Variants in MINDY2 observed in about 807,000 individuals in gnomAD.
The protein encoded by MINDY2 is MINDY lysine 48 deubiquitinase 2.
Under a neutral mutation model 68.2 loss-of-function variants are expected in MINDY2, and 52 were observed. The observed-to-expected ratio is 0.76, with a 90% CI of 0.61 to 0.96. The LOEUF is 0.96. Ranked by LOEUF, MINDY2 falls within the 40% of genes least tolerant of loss-of-function variation. The pLI, the probability that MINDY2 is intolerant of heterozygous loss-of-function variation, is 0.00. For missense variants in MINDY2, 881 were observed against 773.4 expected (o/e 1.14, Z -1.65); for synonymous variants, 372 against 303.0 (o/e 1.23, Z -2.36).
intron 5 of MINDY2, among the ~76,000 whole-genome samples, chr15:58,822,253 A>G (rs2031109592): frequency 6.8e-6 from 1 of 146,444 alleles, no homozygotes; most frequent in African/African-American, 2.5e-5. Flanking sequence ...CTCTGTATCA[A>G]AAAAAAAAAA....
At chr15:58,833,998 C>G (rs970643502) in intron 6 of MINDY2, among the ~76,000 whole-genome samples, 8 of 152,108 alleles carry the variant, frequency 5.3e-5, no homozygotes, top group African/African-American at 1.4e-4. Flanking sequence ...GTCCCTGCAG[C>G]CTTCCGCAGT....
rs759655388 is a variant in MINDY2, at chr15:58,858,362, C to T, written c.*3752C>T. ...CTCATACTTCTTGATCTTGGCTTAA[C>T]TAAGCAAGTTAGTATCAGAGACTAG... On this transcript the variant is annotated 3_prime_UTR_variant, in exon 9 of 9. Transcript: ENST00000559228. 6 of 152,126 alleles carry T rather than the reference C, an allele frequency of 3.9e-5. No homozygotes were observed. Among genetic ancestry groups the T allele is most frequent in the African/African-American group, 7.2e-5 (3 of 41,444 alleles). 9.4% of individuals were successfully genotyped at this position (152,126 alleles called of 1,614,324 possible). A position where few individuals can be genotyped will look rare whatever the true frequency, so the allele number is the denominator to read the frequency against.
At chr15:58,846,674 A>G (rs1000571953) in intron 6 of MINDY2, among the ~76,000 whole-genome samples, 19 of 152,204 alleles carry the variant, frequency 1.2e-4, no homozygotes, top group African/African-American at 4.3e-4. Flanking sequence ...TAAAAATTAA[A>G]AAAAAATTTG....
At chr15:58,819,844 A>G (rs1202721486) in intron 4 of MINDY2, among the ~76,000 whole-genome samples, 3 of 152,354 alleles carry the variant, frequency 2.0e-5, no homozygotes, top group African/African-American at 4.8e-5. Flanking sequence ...GCTGGAACTC[A>G]TAGATGTTTT....
intron 6 of MINDY2, among the ~76,000 whole-genome samples, chr15:58,844,830 G>T (rs542723469): frequency 6.8e-6 from 1 of 146,996 alleles, no homozygotes; most frequent in Non-Finnish European, 1.5e-5. Flanking sequence ...CAGGACAGTC[G>T]CTTGAACCCA....
At chr15:58,853,346 A>G (rs1330477928) in intron 8 of MINDY2, among the ~76,000 whole-genome samples, 1 of 152,154 alleles carries the variant, frequency 6.6e-6, no homozygotes. Context: ...AACTAAATAT[A>G]GAAGTCCCCA....
intron 5 of MINDY2, among the ~76,000 whole-genome samples, chr15:58,822,913 T>G (rs1388735842): frequency 2.0e-5 from 3 of 152,136 alleles, no homozygotes; most frequent in Non-Finnish European, 4.4e-5. Flanking sequence ...ACATAAGATA[T>G]AATAAAAGTT....
intron 6 of MINDY2, among the ~76,000 whole-genome samples, chr15:58,843,913 TTAA>T (rs1486526942): frequency 6.6e-6 from 1 of 151,636 alleles, no homozygotes; most frequent in East Asian, 1.9e-4. Context: ...CTTGTCAAAT[TTAA>T]TAATATTTTA....
rs539432243 is a variant in MINDY2 at position 58,837,093 on chromosome 15, C to T, written c.1368+5177C>T. Among the ~76,000 whole-genome samples, 5 of 152,208 alleles carry T rather than the reference C, an allele frequency of 3.3e-5. No homozygotes were observed. The South Asian group carries it at 6.2e-4, about 19-fold the overall frequency. On this transcript the variant is annotated intron_variant, in intron 6 of 8. Transcript: ENST00000559228. ...CTAAATAAAATTTAGGGAAGGGGTT[C>T]TTCCAGCATGGTGTCCATTTGCTTA...
intron 4 of MINDY2, among the ~76,000 whole-genome samples, chr15:58,816,836 G>A (rs916535388): frequency 3.9e-5 from 6 of 152,078 alleles, no homozygotes; most frequent in East Asian, 1.9e-4. Flanking sequence ...CCCTGTAGTC[G>A]CAGTTACTCA....
chr15:58,844,549 G>C (rs1388438077), intron 6 of MINDY2, among the ~76,000 whole-genome samples: 2 of 117,376 alleles, frequency 1.7e-5, no homozygotes, highest in Non-Finnish European at 3.5e-5. Context: ...GACAGAGCGA[G>C]ACTCCGTCTC....
intron 2 of MINDY2, among the ~76,000 whole-genome samples, chr15:58,792,467 G>C (rs145358661): frequency 6.6e-6 from 1 of 152,144 alleles, no homozygotes; most frequent in African/African-American, 2.4e-5. Context: ...TTAGCCGGGC[G>C]TGGTGGCACA....
At chr15:58,807,669 A>G (rs768997850) in intron 3 of MINDY2, among the ~76,000 whole-genome samples, 2 of 152,072 alleles carry the variant, frequency 1.3e-5, no homozygotes, top group Non-Finnish European at 1.5e-5. Context: ...GGCCTAAAAT[A>G]GTCTTTATTC....
rs1347339703 is a variant in MINDY2 at position 58,860,230 on chromosome 15, T to A, written c.*5620T>A. ...CAAAACAAAATGTTTTGGAAGGTGA[T>A]CCTGGCTCCTTTGGCTCTCATAATT... On this transcript the variant is annotated 3_prime_UTR_variant, in exon 9 of 9. Coordinates refer to ENST00000559228, the MANE Select transcript of MINDY2 (RefSeq NM_001040450.3). The A allele has an allele frequency of 6.6e-6, 1 of 152,230 alleles. No individual in the cohort carries two copies. Among genetic ancestry groups the A allele is most frequent in the Non-Finnish European group, 1.5e-5 (1 of 68,056 alleles). 9.4% of individuals were successfully genotyped at this position (152,230 alleles called of 1,614,324 possible). A position where few individuals can be genotyped will look rare whatever the true frequency, so the allele number is the denominator to read the frequency against.
chr15:58,821,218 C>A (rs2031039975), intron 4 of MINDY2, among the ~76,000 whole-genome samples: 1 of 151,192 alleles, frequency 6.6e-6, no homozygotes, highest in African/African-American at 2.4e-5. Context: ...ACTCATATCT[C>A]CACTATACTT....
chr15:58,850,377 A>G (rs531000641), intron 7 of MINDY2, among the ~76,000 whole-genome samples: 8 of 152,286 alleles, frequency 5.3e-5, no homozygotes, highest in South Asian at 4.1e-4. Flanking sequence ...TGGAAAAGAA[A>G]ACATTACAGT....
intron 1 of MINDY2, among the ~76,000 whole-genome samples, chr15:58,783,671 C>T (rs1901302119): frequency 6.6e-6 from 1 of 152,204 alleles, no homozygotes; most frequent in Admixed American, 6.5e-5. Context: ...TGGTGGCTTA[C>T]ACCCGTAATC....
In MINDY2 at chr15:58,842,582, T is replaced by C. The variant is rs143320689; in HGVS notation, c.1369-4715T>C. Among the ~76,000 whole-genome samples, 1,128 of 152,248 alleles carry C rather than the reference T, an allele frequency of 7.4e-3. 11 individuals are homozygous for C. The highest frequency in any genetic ancestry group is 0.026 in the African/African-American group (1,074 of 41,542). On this transcript the variant is annotated intron_variant, in intron 6 of 8. Coordinates refer to ENST00000559228, the MANE Select transcript of MINDY2 (RefSeq NM_001040450.3). ...AGGGGGCAGAATTTGGAAACTGGAA[T>C]AAGGAAAGTGATGATTCCATAGTAC...
chr15:58,848,888 G>A (rs1022576667), intron 7 of MINDY2, among the ~76,000 whole-genome samples: 5 of 152,046 alleles, frequency 3.3e-5, no homozygotes, highest in South Asian at 2.1e-4. Context: ...AGAAATATGC[G>A]AGATTTTTCT....
Sources: allele counts gnomAD v4.1 joint callset (sites outside exome capture counted in the v4.1 genomes callset), GRCh38; gene constraint gnomAD v4.1.1; transcripts MANE v1.5; gene names NCBI Gene and HGNC (gene_info 2026-07-23, HGNC 2026-07-21).